DLGAP1: variants seen among roughly 807,000 people sequenced by gnomAD.
DLGAP1 encodes the protein disks large-associated protein 1.
In DLGAP1, 11 loss-of-function variants were observed where a neutral mutation model predicts 90.8. That is an observed-to-expected ratio of 0.12 (90% confidence interval 0.08 to 0.20). DLGAP1 has a LOEUF of 0.20. Ranked by LOEUF, DLGAP1 falls within the 10% of genes least tolerant of loss-of-function variation. DLGAP1 has a pLI of 1.00. For synonymous variants in DLGAP1, 558 were observed against 540.7 expected, an observed-to-expected ratio of 1.03 and a Z score of -0.44; for missense variants, 1,050 against 1,333.8, an observed-to-expected ratio of 0.79 and a Z score of 3.31.
chr18:4,183,920 G>A lies in DLGAP1; in HGVS notation c.-266-32633C>T, dbSNP rs78947877. On this transcript the variant is annotated intron_variant, in intron 1 of 12. Coordinates refer to ENST00000315677, the MANE Select transcript of DLGAP1 (RefSeq NM_004746.4). ...GCTTTCCCAGTAAAAAGACAGACCC[G>A]AGGGTATTTTCTCATCTTGTTGCAG... Among the ~76,000 whole-genome samples the A allele has an allele frequency of 1.0e-2, 1,516 of 152,160 alleles. 27 individuals are homozygous for A. The highest frequency in any genetic ancestry group is 0.032 in the African/African-American group (1,326 of 41,522).
chr18:3,622,483 C>T (rs751765427), intron 7 of DLGAP1, among the ~76,000 whole-genome samples: 61 of 152,170 alleles, frequency 4.0e-4, no homozygotes, highest in Non-Finnish European at 7.8e-4. Context: ...AAGATTGGCT[C>T]TGTCCCCTGG....
chr18:4,065,169 A>G (rs1294803103), intron 2 of DLGAP1, among the ~76,000 whole-genome samples: 1 of 152,088 alleles, frequency 6.6e-6, no homozygotes, highest in African/African-American at 2.4e-5. Context: ...TAGGTACTGA[A>G]GGAATACCTC....
At chr18:4,346,039 C>T (rs1490392417) in intron 1 of DLGAP1, among the ~76,000 whole-genome samples, 1 of 152,124 alleles carries the variant, frequency 6.6e-6, no homozygotes, top group Non-Finnish European at 1.5e-5. Context: ...CTCAAGAGCA[C>T]CACTCACGAT....
chr18:3,879,163 G>A lies in DLGAP1; in HGVS notation c.906C>T (p.Ala302=), dbSNP rs267605183. 2.4e-5 allele frequency: 36 copies of A among 1,514,894 alleles called. No individual in the cohort carries two copies. The East Asian group carries it at 6.2e-4, about 26-fold the overall frequency. 93.8% of individuals were successfully genotyped at this position (1,514,894 alleles called of 1,614,324 possible). ...GCTGACACGACTCGGACTTCACCAT[G>A]GCCTGGTCCATGTTCACCGAGGCCT... The part of the protein sequence containing the change: ...YQKASVNMDQ[A]MVKSESCQQE... The change falls in exon 4 of 13, where the codon GCC becomes GCT. Residue 302 remains alanine, a synonymous_variant. Transcript: ENST00000315677. This position sits in a 1 kb window ranked among gnomAD's most constrained non-coding sequence, Gnocchi z 6.6.
At position 3,685,559 on chromosome 18, in the gene DLGAP1, G is replaced by A. The variant is rs1356695306; in HGVS notation, c.1591+43576C>T. On this transcript the variant is annotated intron_variant, in intron 7 of 12. Transcript: ENST00000315677. Reference sequence around the variant, plus strand: ...AGCCTGGGCGACAGAGCGAGATTCCGTCTCAAAAAAAAAAAAAAAAAAAAA... The same window carrying A: ...AGCCTGGGCGACAGAGCGAGATTCCATCTCAAAAAAAAAAAAAAAAAAAAA... Among the ~76,000 whole-genome samples, 10 of 71,136 alleles carry A rather than the reference G, an allele frequency of 1.4e-4. 1 individual carries two copies. In the South Asian group the frequency reaches 5.2e-3, roughly 37 times the overall value. The allele number at this position is 71,136 out of a possible 152,430, so 46.7% of individuals were successfully genotyped here. A position where few individuals can be genotyped will look rare whatever the true frequency, so the allele number is the denominator to read the frequency against.
At chr18:3,606,464 AT>A (rs11336625) in intron 7 of DLGAP1, 122,712 of 152,220 alleles carry the variant, frequency 0.81, 50,158 homozygotes, top group African/African-American at 0.94. Context: ...TCTTTCCCTA[AT>A]TGTAATATGT....
rs1445323295 is a variant in DLGAP1 at position 3,793,453 on chromosome 18, G to A, written c.1172+20606C>T. Among the ~76,000 whole-genome samples the A allele has an allele frequency of 4.6e-5, 7 of 151,750 alleles. No individual in the cohort carries two copies. The East Asian group carries it at 5.8e-4, about 13-fold the overall frequency. On this transcript the variant is annotated intron_variant, in intron 5 of 12. Coordinates refer to ENST00000315677, the MANE Select transcript of DLGAP1 (RefSeq NM_004746.4). ...TCCACCCAAGGCTGTCAGAGTCCCC[G>A]TGTCACTCAGAGTACAACCCAAAGT...
intron 8 of DLGAP1, among the ~76,000 whole-genome samples, chr18:3,573,052 G>T (rs768820906): frequency 3.9e-5 from 6 of 151,964 alleles, no homozygotes; most frequent in Non-Finnish European, 5.9e-5. Context: ...ATCAGTAAAG[G>T]TATATTATTT....
At chr18:3,858,596 A>G (rs891567631) in intron 4 of DLGAP1, among the ~76,000 whole-genome samples, 2 of 152,042 alleles carry the variant, frequency 1.3e-5, no homozygotes, top group African/African-American at 4.8e-5. Flanking sequence ...GTATGCATTT[A>G]CATGTATAGA....
intron 2 of DLGAP1, among the ~76,000 whole-genome samples, chr18:4,117,967 T>C (rs1276952827): frequency 1.3e-5 from 2 of 152,062 alleles, no homozygotes; most frequent in African/African-American, 2.4e-5. Context: ...CTTCTGACTA[T>C]TGCTAGGTAC....
At chr18:4,323,838 A>G (rs906129091) in intron 1 of DLGAP1, among the ~76,000 whole-genome samples, 3 of 152,204 alleles carry the variant, frequency 2.0e-5, no homozygotes, top group African/African-American at 7.2e-5. Context: ...GGAGGAAGAT[A>G]CAACATACCA....
intron 3 of DLGAP1, among the ~76,000 whole-genome samples, chr18:3,971,324 C>G (rs923942389): frequency 6.6e-6 from 1 of 152,180 alleles, no homozygotes; most frequent in African/African-American, 2.4e-5. Context: ...ATTAAGTCCT[C>G]TAAATCAGTG....
At chr18:3,666,941 T>G (rs757517785) in intron 7 of DLGAP1, among the ~76,000 whole-genome samples, 2 of 152,032 alleles carry the variant, frequency 1.3e-5, no homozygotes, top group Non-Finnish European at 2.9e-5. Context: ...ATTTTTAAAT[T>G]TTTTTGTTTT....
rs1002659410 is a variant in DLGAP1 at position 3,504,207 on chromosome 18, A to T, written c.2572-1562T>A. 6.6e-5 allele frequency among the ~76,000 whole-genome samples: 10 copies of T among 152,332 alleles called. No individual in the cohort carries two copies. In the South Asian group the frequency reaches 1.7e-3, roughly 25 times the overall value. ...AGAAGAAATAAATTTTAAAGTTTATAAAGTTTTTTTTAGTTTACTAAATCA... is the reference window on the plus strand; with the variant it reads ...AGAAGAAATAAATTTTAAAGTTTATTAAGTTTTTTTTAGTTTACTAAATCA... On this transcript the variant is annotated intron_variant, in intron 11 of 12. Coordinates refer to ENST00000315677, the MANE Select transcript of DLGAP1 (RefSeq NM_004746.4).
At chr18:3,901,839 A>G (rs1016618231) in intron 3 of DLGAP1, among the ~76,000 whole-genome samples, 35 of 152,204 alleles carry the variant, frequency 2.3e-4, no homozygotes, top group Non-Finnish European at 2.4e-4. Flanking sequence ...ATAATTCCCA[A>G]GTGAAAATGA....
intron 2 of DLGAP1, among the ~76,000 whole-genome samples, chr18:4,101,434 G>T (rs1025248328): frequency 6.6e-6 from 1 of 152,138 alleles, no homozygotes; most frequent in Non-Finnish European, 1.5e-5. Context: ...ACTGATCAAA[G>T]ATCACTACAA....
At chr18:3,894,926 A>G (rs997381972) in intron 3 of DLGAP1, 8 of 152,168 alleles carry the variant, frequency 5.3e-5, no homozygotes, top group African/African-American at 1.9e-4. Context: ...GTCCCTTTCA[A>G]CTGCTCTTAG....
At chr18:4,444,601 A>T (rs549232867) in intron 1 of DLGAP1, among the ~76,000 whole-genome samples, 55 of 152,276 alleles carry the variant, frequency 3.6e-4, no homozygotes, top group African/African-American at 1.1e-3. Context: ...AGTGTCATCA[A>T]ATGAATGATA....
intron 4 of DLGAP1, among the ~76,000 whole-genome samples, chr18:3,820,946 T>G (rs2067374094): frequency 6.6e-6 from 1 of 152,208 alleles, no homozygotes; most frequent in Non-Finnish European, 1.5e-5. Context: ...TTGCAACAGT[T>G]GTATGAAATA....
Sources: gnomAD v4.1 joint callset for allele counts (sites outside exome capture counted in the v4.1 genomes callset) on GRCh38, gnomAD v4.1.1 for gene constraint, Gnocchi (gnomAD v3.1) non-coding constraint, MANE v1.5 for transcripts, NCBI Gene and HGNC (gene_info 2026-07-23, HGNC 2026-07-21) for gene names.